Variants in LUZP2 observed in about 807,000 individuals in gnomAD.
LUZP2 encodes leucine zipper protein 2.
Under a neutral mutation model 51.6 loss-of-function variants are expected in LUZP2, and 52 were observed. The observed-to-expected ratio is 1.01, with a 90% CI of 0.81 to 1.27. The LOEUF is 1.27. Ranked by LOEUF, LUZP2 falls within the 50% of genes most tolerant of loss-of-function variation. The pLI, the probability that LUZP2 is intolerant of heterozygous loss-of-function variation, is 0.00. For missense variants in LUZP2, 436 were observed against 395.4 expected (o/e 1.10, Z -0.87); for synonymous variants, 154 against 137.3 (o/e 1.12, Z -0.85).
chr11:24,913,401 T>C lies in LUZP2; in HGVS notation c.460-1075T>C, dbSNP rs566660408. On this transcript the variant is annotated intron_variant, in intron 6 of 11. Transcript: ENST00000336930. ...CTAGTACTCCATGTCATGGATATAC[T>C]ACAATTTATCTCTTCATTTCTTATT... Among the ~76,000 whole-genome samples, 14 of 152,322 alleles carry C rather than the reference T, an allele frequency of 9.2e-5. No homozygotes were observed. The South Asian group carries it at 1.9e-3, about 20-fold the overall frequency.
chr11:25,078,178 C>T (rs1859370206), intron 11 of LUZP2, among the ~76,000 whole-genome samples: 1 of 152,136 alleles, frequency 6.6e-6, no homozygotes, highest in African/African-American at 2.4e-5. Context: ...TTTATTTGTA[C>T]TGTATTATAC....
chr11:24,502,928 A>G (rs1436826134), intron 1 of LUZP2, among the ~76,000 whole-genome samples: 2 of 152,162 alleles, frequency 1.3e-5, no homozygotes, highest in African/African-American at 4.8e-5. Context: ...AGTTTTTATG[A>G]CTTTATTTTC....
At chr11:24,519,149 G>A (rs1409014337) in intron 1 of LUZP2, among the ~76,000 whole-genome samples, 1 of 152,200 alleles carries the variant, frequency 6.6e-6, no homozygotes, top group African/African-American at 2.4e-5. Context: ...GCTCTTTCAC[G>A]TTTACAGTTT....
chr11:24,640,437 C>G (rs949715594), intron 1 of LUZP2, among the ~76,000 whole-genome samples: 2 of 151,834 alleles, frequency 1.3e-5, no homozygotes, highest in Admixed American at 6.6e-5. Context: ...TAAATAGATG[C>G]GGTTGTGCAT....
chr11:24,779,044 A>C (rs1303402767), intron 5 of LUZP2, among the ~76,000 whole-genome samples: 1 of 152,186 alleles, frequency 6.6e-6, no homozygotes, highest in African/African-American at 2.4e-5. Flanking sequence ...GTGTATTTTT[A>C]AATGTCAAAG....
At chr11:24,861,940 T>C (rs1240780503) in intron 5 of LUZP2, among the ~76,000 whole-genome samples, 2 of 152,154 alleles carry the variant, frequency 1.3e-5, no homozygotes, top group Admixed American at 1.3e-4. Context: ...CTACACTTCC[T>C]TGTATCTACT....
chr11:24,723,445 T>A (rs143111445), intron 1 of LUZP2, among the ~76,000 whole-genome samples: 1 of 152,234 alleles, frequency 6.6e-6, no homozygotes, highest in Non-Finnish European at 1.5e-5. Flanking sequence ...CTCATAATAT[T>A]CAAAAACTGG....
chr11:24,800,789 C>T (rs11825448), intron 5 of LUZP2, among the ~76,000 whole-genome samples: 1,901 of 152,128 alleles, frequency 0.012, 46 homozygotes, highest in African/African-American at 0.043. Flanking sequence ...GAAAGATAAA[C>T]GAACTCCTCC....
intron 5 of LUZP2, among the ~76,000 whole-genome samples, chr11:24,770,364 T>G (rs1860360551): frequency 6.6e-6 from 1 of 152,140 alleles, no homozygotes; most frequent in Non-Finnish European, 1.5e-5. Context: ...TGGTCAGTGG[T>G]GGAAATCAGA....
intron 1 of LUZP2, among the ~76,000 whole-genome samples, chr11:24,508,042 C>T (rs1366510894): frequency 2.0e-5 from 3 of 151,612 alleles, no homozygotes; most frequent in African/African-American, 4.8e-5. Flanking sequence ...TACCATCAAC[C>T]AGGTTAATCT....
chr11:24,733,752 T>G (rs10834468), intron 3 of LUZP2, among the ~76,000 whole-genome samples: 1 of 150,582 alleles, frequency 6.6e-6, no homozygotes, highest in African/African-American at 2.4e-5. Context: ...TAAAAAAAAA[T>G]TTTAAAAAAA....
chr11:24,838,230 T>C (rs952700317), intron 5 of LUZP2, among the ~76,000 whole-genome samples: 2 of 151,690 alleles, frequency 1.3e-5, no homozygotes, highest in South Asian at 2.1e-4. Context: ...AATAAATGGG[T>C]ATATTTTGCC....
intron 7 of LUZP2, among the ~76,000 whole-genome samples, chr11:24,945,518 T>C (rs78104518): frequency 3.0e-5 from 1 of 33,182 alleles, no homozygotes; most frequent in Non-Finnish European, 6.2e-5. Flanking sequence ...AATTTGCCTG[T>C]TTTTTTTTTT....
intron 9 of LUZP2, among the ~76,000 whole-genome samples, chr11:25,033,910 G>A (rs111652710): frequency 8.5e-5 from 13 of 152,158 alleles, no homozygotes; most frequent in African/African-American, 2.9e-4. Context: ...TGTCTTTTTG[G>A]TAGAATGATT....
intron 8 of LUZP2, 149 bp downstream of exon 8, chr11:24,976,814 G>T: frequency 4.1e-6 from 2 of 485,658 alleles, no homozygotes; most frequent in South Asian, 4.6e-5. Context: ...AATTCAGGAA[G>T]GTTTGATATC....
chr11:24,959,130 C>A (rs1855308368), intron 7 of LUZP2, among the ~76,000 whole-genome samples: 2 of 152,042 alleles, frequency 1.3e-5, no homozygotes, highest in East Asian at 1.9e-4. Flanking sequence ...GTTTTGGTAC[C>A]AGTATCATGC....
intron 1 of LUZP2, among the ~76,000 whole-genome samples, chr11:24,663,176 A>T (rs188634837): frequency 3.8e-4 from 58 of 152,240 alleles, no homozygotes; most frequent in Admixed American, 1.9e-3. Context: ...CCAAAATGTC[A>T]TGTTAAATTG....
At chr11:24,927,428 T>C (rs1327823107) in intron 7 of LUZP2, among the ~76,000 whole-genome samples, 1 of 152,108 alleles carries the variant, frequency 6.6e-6, no homozygotes, top group African/African-American at 2.4e-5. Context: ...CTTGAGTTGA[T>C]TTTTGTATAC....
At chr11:24,505,378 A>C (rs1850117012) in intron 1 of LUZP2, among the ~76,000 whole-genome samples, 1 of 152,116 alleles carries the variant, frequency 6.6e-6, no homozygotes, top group African/African-American at 2.4e-5. Context: ...GAGACTCTGA[A>C]TCAGCCTTCC....
Sources: gnomAD v4.1 joint callset for allele counts (sites outside exome capture counted in the v4.1 genomes callset) on GRCh38, gnomAD v4.1.1 for gene constraint, MANE v1.5 for transcripts, NCBI Gene and HGNC (gene_info 2026-07-23, HGNC 2026-07-21) for gene names.